LYST: variants seen among roughly 807,000 people sequenced by gnomAD.
LYST encodes lysosomal-trafficking regulator.
LYST carries 192 observed loss-of-function variants against 413.6 expected under a neutral mutation model. That is an observed-to-expected ratio of 0.46 (90% CI 0.41 to 0.52). LYST has a LOEUF of 0.52. Among genes scored for constraint, LYST ranks in the 20% least tolerant of loss-of-function variants. The probability of loss-of-function intolerance (pLI) is 0.00; values close to 1 mark genes in which losing one functional copy is unlikely to be tolerated. For missense variants in LYST, 3,815 were observed against 4,499.9 expected, an observed-to-expected ratio of 0.85 and a Z score of 4.35; for synonymous variants, 1,525 against 1,567.3, an observed-to-expected ratio of 0.97 and a Z score of 0.64.
rs1221773141 is a variant in LYST at position 235,686,356 on chromosome 1, G to A, written c.10800+593C>T. 6.6e-6 allele frequency among the ~76,000 whole-genome samples: 1 copy of A among 152,148 alleles called. No individual in the cohort carries two copies. The highest frequency in any genetic ancestry group is 2.4e-5 in the African/African-American group (1 of 41,420). ...CATTCCAGCTTAGGCAAGAGAGGGA[G>A]GTTCTGTCTCAAAAAACAAAAACAA... On this transcript the variant is annotated intron_variant, in intron 48 of 52. Coordinates refer to ENST00000389793, the MANE Select transcript of LYST (RefSeq NM_000081.4). This position sits in a 1 kb window ranked among gnomAD's most constrained non-coding sequence, Gnocchi z 4.0.
At chr1:235,682,568 G>A (rs1236318386) in intron 48 of LYST, among the ~76,000 whole-genome samples, 1 of 152,178 alleles carries the variant, frequency 6.6e-6, no homozygotes, top group Non-Finnish European at 1.5e-5. Flanking sequence ...ACAATGCACA[G>A]CTCTTAGAAT....
At position 235,809,642 on chromosome 1, in the gene LYST, T is replaced by A; in HGVS notation, c.1176A>T (p.Ser392=). The change falls in exon 5 of 53, where the codon TCA becomes TCT. Residue 392 remains serine (S), a synonymous_variant. Coordinates refer to ENST00000389793, the MANE Select transcript of LYST (RefSeq NM_000081.4). The surrounding 1 kb of genome is among the most constrained non-coding windows in gnomAD (Gnocchi z 4.0). ...AAAGAAGGGCTCTATGACGATACTTTGAAAACACAAAATCTTCCTGAACCT... is the reference window on the plus strand; with the variant it reads ...AAAGAAGGGCTCTATGACGATACTTAGAAAACACAAAATCTTCCTGAACCT... The part of the protein sequence containing the change: ...LQEVQEDFVF[S]KYRHRALLLP... 1 of 1,614,108 alleles carries A rather than the reference T, an allele frequency of 6.2e-7. No individual in the cohort carries two copies. Among genetic ancestry groups the A allele is most frequent in the Non-Finnish European group, 8.5e-7 (1 of 1,179,990 alleles).
At chr1:235,751,480 C>T in intron 27 of LYST, 118 bp from the exon 28 acceptor site, 4 of 877,982 alleles carry the variant, frequency 4.6e-6, no homozygotes, top group Non-Finnish European at 7.3e-6. Context: ...TTTTGATCAG[C>T]ATGGGGATGA....
In LYST at chr1:235,809,720, G is replaced by A. The variant is rs775348655; in HGVS notation, c.1098C>T (p.Cys366=). The A allele has an allele frequency of 1.2e-6, 2 of 1,613,542 alleles. No individual in the cohort carries two copies. The highest frequency in any genetic ancestry group is 8.5e-7 in the Non-Finnish European group (1 of 1,179,708). The change falls in exon 5 of 53, where the codon TGC becomes TGT. Residue 366 remains cysteine, a synonymous_variant. Coordinates refer to ENST00000389793, the MANE Select transcript of LYST (RefSeq NM_000081.4). This position sits in a 1 kb window ranked among gnomAD's most constrained non-coding sequence, Gnocchi z 4.0. ...LLRAALKIRI[C]LEKQPDPFAP... is the part of the protein sequence containing the mutation. Reference sequence around the variant, plus strand: ...CAAAAGGGTCAGGCTGCTTTTCTAGGCATATTCTAATTTTTAAAGCTGCTC... The same window carrying A: ...CAAAAGGGTCAGGCTGCTTTTCTAGACATATTCTAATTTTTAAAGCTGCTC...
intron 7 of LYST, 62 bp downstream of exon 7, chr1:235,804,442 T>G: frequency 7.6e-7 from 1 of 1,315,040 alleles, no homozygotes; most frequent in Non-Finnish European, 1.1e-6. Context: ...CCTAGTGTCA[T>G]CCCACACTTC....
chr1:235,741,608 AC>A lies in LYST; in HGVS notation c.8171del (p.Gly2724ValfsTer25), dbSNP rs1190559145. The A allele has an allele frequency of 6.2e-7, 1 of 1,613,800 alleles. No individual in the cohort carries two copies. Among genetic ancestry groups the A allele is most frequent in the African/African-American group, 1.3e-5 (1 of 74,910 alleles). On this transcript the variant is annotated frameshift_variant, in exon 31 of 53. Transcript: ENST00000389793. LOFTEE classifies it high-confidence loss of function. ...GAATTTTAGTCCATTGCTGCTTGGA[AC>A]CACTGGCTTTACTTGAACCCTAAAA... Reference protein sequence around the residue: ...KVSIGSSKASGSKQQWTKILW... With the variant: ...KVSIGSSKASXSKQQWTKILW...
Position 235,715,259 on chromosome 1 carries a change from A to C in LYST, c.9726T>G (p.Thr3242=). Reference sequence around the variant, plus strand: ...GCATCCTGACCAGGAAGTGAAGCACAGTGCCGCTATTGGAATAGTGGGAGC... The same window carrying C: ...GCATCCTGACCAGGAAGTGAAGCACCGTGCCGCTATTGGAATAGTGGGAGC... The part of the protein sequence containing the change: ...HYGSHYSNSG[T]VLHFLVRMPP... The change falls in exon 42 of 53, where the codon ACT becomes ACG. Residue 3242 remains threonine (T), a synonymous_variant. Transcript: ENST00000389793. The C allele has an allele frequency of 6.2e-7, 1 of 1,614,098 alleles. No individual in the cohort carries two copies. Among genetic ancestry groups the C allele is most frequent in the South Asian group, 1.1e-5 (1 of 91,082 alleles).
chr1:235,869,807 G>T (rs1366343800), upstream of LYST, among the ~76,000 whole-genome samples: 2 of 148,034 alleles, frequency 1.4e-5, no homozygotes, highest in African/African-American at 2.5e-5. Context: ...ACACCATCTG[G>T]CTCCTCAAAA....
intron 29 of LYST, among the ~76,000 whole-genome samples, chr1:235,744,591 T>C (rs147477424): frequency 4.5e-4 from 65 of 144,982 alleles, no homozygotes; most frequent in African/African-American, 1.7e-3. Context: ...GCACAGAATG[T>C]ATATTAGAAA....
chr1:235,816,470 T>TAA (rs199654567), intron 3 of LYST, among the ~76,000 whole-genome samples: 19 of 138,426 alleles, frequency 1.4e-4, no homozygotes, highest in African/African-American at 2.7e-4. Flanking sequence ...AAAATAAAAA[T>TAA]AAAAAAAAAA....
intron 36 of LYST, among the ~76,000 whole-genome samples, 156 bp from the exon 37 acceptor site, chr1:235,729,813 G>A (rs1459216343): frequency 6.6e-6 from 1 of 152,080 alleles, no homozygotes; most frequent in Non-Finnish European, 1.5e-5. Flanking sequence ...GAAAATATTA[G>A]CTCCTTTTTA....
chr1:235,850,503 C>T (rs1438842380), intron 1 of LYST, among the ~76,000 whole-genome samples: 25 of 152,066 alleles, frequency 1.6e-4, no homozygotes, highest in Non-Finnish European at 1.5e-5. Flanking sequence ...AAAGTAAATG[C>T]AATAACAACA....
In LYST at chr1:235,872,534, C is replaced by T. The variant is rs377340071; in HGVS notation, n.454+10653G>A. Among the ~76,000 whole-genome samples, 41 of 152,228 alleles carry T rather than the reference C, an allele frequency of 2.7e-4. No homozygotes were observed. In the East Asian group the frequency reaches 4.1e-3, roughly 15 times the overall value. On this transcript the variant is annotated intron_variant and non_coding_transcript_variant, in intron 1 of 11. Coordinates refer to the LYST transcript ENST00000465349. ...ATCTGTGTGCAGCATTCCTTCTTCC[C>T]GGATACAGGGCAGGATGCCTCTGGA...
In LYST at chr1:235,729,605, A is replaced by G. The variant is rs1413401121; in HGVS notation, c.9097T>C (p.Leu3033=). 5 of 1,608,602 alleles carry G rather than the reference A, an allele frequency of 3.1e-6. No individual in the cohort carries two copies. In the African/African-American group the frequency reaches 6.7e-5, roughly 21 times the overall value. The change falls in exon 37 of 53, where the codon TTG becomes CTG. Residue 3033 remains leucine, a synonymous_variant. Coordinates refer to ENST00000389793, the MANE Select transcript of LYST (RefSeq NM_000081.4). ...TCAAAATTTGACTTACCTAGTAACA[A>G]TTCACCAGCTGTCTCTCTAGATGGT... ...VAPSRETAGE[L]LLGKCGMYFV...
chr1:235,856,980 T>C (rs919509782), intron 1 of LYST, among the ~76,000 whole-genome samples: 1 of 149,312 alleles, frequency 6.7e-6, no homozygotes, highest in African/African-American at 2.5e-5. Context: ...AATCTCACTC[T>C]TGTCGCCCAG....
At chr1:235,724,491 C>G (rs1437177844) in intron 38 of LYST, among the ~76,000 whole-genome samples, 2 of 152,188 alleles carry the variant, frequency 1.3e-5, no homozygotes, top group Non-Finnish European at 2.9e-5. Context: ...TTAAATCTTG[C>G]ATTTGGTGTG....
chr1:235,672,802 G>T (rs60641298), intron 50 of LYST, among the ~76,000 whole-genome samples: 12,220 of 152,140 alleles, frequency 0.08, 1,590 homozygotes, highest in African/African-American at 0.27. Flanking sequence ...GCTTATCCCC[G>T]TATAAAATGC....
chr1:235,826,503 A>G (rs543239290), intron 3 of LYST, among the ~76,000 whole-genome samples: 2 of 152,236 alleles, frequency 1.3e-5, no homozygotes, highest in Non-Finnish European at 2.9e-5. Context: ...GAGACATGAG[A>G]GTACATACTA....
chr1:235,665,073 C>T (rs774123988), intron 50 of LYST, among the ~76,000 whole-genome samples: 7 of 151,884 alleles, frequency 4.6e-5, no homozygotes, highest in Non-Finnish European at 7.4e-5. Flanking sequence ...GGATTACAGG[C>T]GTGAGCCACT....
Sources: gnomAD v4.1 joint callset for allele counts (sites outside exome capture counted in the v4.1 genomes callset) on GRCh38, gnomAD v4.1.1 for gene constraint, Gnocchi (gnomAD v3.1) non-coding constraint, MANE v1.5 for transcripts, NCBI Gene and HGNC (gene_info 2026-07-23, HGNC 2026-07-21) for gene names.